Variants in CDH12 observed in about 807,000 individuals in gnomAD.
The protein encoded by CDH12 is cadherin-12.
Under a neutral mutation model 74.1 loss-of-function variants are expected in CDH12, and 41 were observed. That is an observed-to-expected ratio of 0.55 (90% CI 0.43 to 0.72). CDH12 has a LOEUF of 0.72. Ranked by LOEUF, CDH12 falls within the 30% of genes least tolerant of loss-of-function variation. The pLI, the probability that CDH12 is intolerant of heterozygous loss-of-function variation, is 0.00. For missense variants in CDH12, 945 were observed against 977.2 expected, an observed-to-expected ratio of 0.97 and a Z score of 0.44; for synonymous variants, 399 against 355.0, an observed-to-expected ratio of 1.12 and a Z score of -1.39.
chr5:22,310,065 G>C (rs1422801650), intron 3 of CDH12, among the ~76,000 whole-genome samples: 3 of 151,688 alleles, frequency 2.0e-5, no homozygotes, highest in Non-Finnish European at 4.4e-5. Flanking sequence ...CAGGTCGATG[G>C]GTGCAGCAAG....
intron 1 of CDH12, among the ~76,000 whole-genome samples, chr5:22,793,991 C>T (rs954448694): frequency 6.6e-6 from 1 of 152,168 alleles, no homozygotes; most frequent in African/African-American, 2.4e-5. Context: ...TATGTTGCAT[C>T]ATATAAATAC....
At chr5:21,928,357 G>C (rs1579975971) in intron 6 of CDH12, among the ~76,000 whole-genome samples, 2 of 152,324 alleles carry the variant, frequency 1.3e-5, no homozygotes, top group African/African-American at 4.8e-5. Flanking sequence ...CATGGAGTTA[G>C]TGGGAGAAAA....
chr5:22,828,811 G>A (rs775725997), intron 1 of CDH12, among the ~76,000 whole-genome samples: 16 of 152,162 alleles, frequency 1.1e-4, no homozygotes, highest in South Asian at 2.1e-4. Flanking sequence ...AGACTTGTTC[G>A]AAGCATTGAT....
At chr5:22,315,070 C>T (rs1352125818) in intron 3 of CDH12, among the ~76,000 whole-genome samples, 2 of 123,050 alleles carry the variant, frequency 1.6e-5, no homozygotes, top group African/African-American at 6.4e-5. Context: ...TCTCCTGCCT[C>T]CTGCCTCAGT....
chr5:22,420,793 T>C (rs1293940958), intron 2 of CDH12, among the ~76,000 whole-genome samples: 1 of 152,214 alleles, frequency 6.6e-6, no homozygotes, highest in African/African-American at 2.4e-5. Context: ...AGTATGGTCA[T>C]CTTTATGATA....
intron 1 of CDH12, among the ~76,000 whole-genome samples, chr5:22,786,591 G>T (rs905857944): frequency 6.6e-6 from 1 of 152,120 alleles, no homozygotes; most frequent in Non-Finnish European, 1.5e-5. Context: ...TGGCACATGT[G>T]TTATTGTATA....
chr5:22,434,363 C>A (rs1744291421), intron 2 of CDH12, among the ~76,000 whole-genome samples: 1 of 152,074 alleles, frequency 6.6e-6, no homozygotes, highest in South Asian at 2.1e-4. Context: ...ATTTTCACAT[C>A]TTCAAATATG....
chr5:22,274,224 G>T (rs960811732), intron 3 of CDH12, among the ~76,000 whole-genome samples: 3 of 151,840 alleles, frequency 2.0e-5, no homozygotes, highest in Non-Finnish European at 4.4e-5. Flanking sequence ...AAATATTTAG[G>T]GATAAGGATA....
At chr5:22,237,379 C>T (rs1203177916) in intron 3 of CDH12, among the ~76,000 whole-genome samples, 2 of 152,110 alleles carry the variant, frequency 1.3e-5, no homozygotes, top group Non-Finnish European at 1.5e-5. Flanking sequence ...TGTGTACCCC[C>T]AAATTCATAC....
chr5:21,801,415 C>T lies in CDH12; in HGVS notation c.1256+752G>A, dbSNP rs1012490307. Among the ~76,000 whole-genome samples the T allele has an allele frequency of 3.3e-5, 5 of 152,088 alleles. No homozygotes were observed. In the South Asian group the frequency reaches 6.2e-4, roughly 19 times the overall value. ...ATTGGTTTCTCAACAGCTGTAGGCA[C>T]GCGGCAGAAAATTCAAGCATACAAT... On this transcript the variant is annotated intron_variant, in intron 10 of 14. Transcript: ENST00000382254.
chr5:22,705,296 A>G (rs1742945056), intron 1 of CDH12, among the ~76,000 whole-genome samples: 1 of 152,026 alleles, frequency 6.6e-6, no homozygotes, highest in Admixed American at 6.6e-5. Context: ...GAGTCAATGA[A>G]TGGTTAATCA....
Position 22,206,012 on chromosome 5 carries a change from A to G in CDH12, c.-187+6486T>C, listed in dbSNP as rs547570063. 3.3e-5 allele frequency among the ~76,000 whole-genome samples: 5 copies of G among 152,004 alleles called. No homozygotes were observed. The South Asian group carries it at 6.2e-4, about 19-fold the overall frequency. On this transcript the variant is annotated intron_variant, in intron 4 of 14. Transcript: ENST00000382254. Reference sequence around the variant, plus strand: ...ATTATATATTAAATATAATATACATATTTCTCAATTTTGACCTGGTTCAGA... The same window carrying G: ...ATTATATATTAAATATAATATACATGTTTCTCAATTTTGACCTGGTTCAGA...
intron 4 of CDH12, among the ~76,000 whole-genome samples, chr5:22,157,862 C>A (rs1339917978): frequency 1.3e-5 from 2 of 151,930 alleles, no homozygotes; most frequent in Non-Finnish European, 2.9e-5. Context: ...TTTGCAAATT[C>A]ATCTAAATAA....
intron 1 of CDH12, among the ~76,000 whole-genome samples, chr5:22,723,730 A>T (rs1744016354): frequency 6.6e-6 from 1 of 152,110 alleles, no homozygotes; most frequent in South Asian, 2.1e-4. Context: ...ATTTATTCAG[A>T]TAATTACAAG....
At chr5:21,924,623 C>T (rs1754508243) in intron 6 of CDH12, among the ~76,000 whole-genome samples, 2 of 152,202 alleles carry the variant, frequency 1.3e-5, no homozygotes, top group Admixed American at 1.3e-4. Context: ...AAAACTTACA[C>T]TGGTGAAATG....
Position 22,474,326 on chromosome 5 carries a change from G to A in CDH12, c.-428+30944C>T, listed in dbSNP as rs575159655. Among the ~76,000 whole-genome samples the A allele has an allele frequency of 5.9e-5, 9 of 152,224 alleles. No homozygotes were observed. The South Asian group carries it at 1.5e-3, about 25-fold the overall frequency. Reference sequence around the variant, plus strand: ...AGATCACCTGGACACATGGACTGATGGAGGAAGACACATGATGTCAGGGGA... The same window carrying A: ...AGATCACCTGGACACATGGACTGATAGAGGAAGACACATGATGTCAGGGGA... On this transcript the variant is annotated intron_variant, in intron 2 of 14. Coordinates refer to ENST00000382254, the MANE Select transcript of CDH12 (RefSeq NM_004061.5).
chr5:22,011,121 A>G (rs1258978600), intron 5 of CDH12, among the ~76,000 whole-genome samples: 1 of 152,108 alleles, frequency 6.6e-6, no homozygotes, highest in African/African-American at 2.4e-5. Flanking sequence ...GCCACTCAGT[A>G]CAGATGGAGA....
chr5:22,138,846 A>T (rs1294349110), intron 4 of CDH12, among the ~76,000 whole-genome samples: 1 of 24,478 alleles, frequency 4.1e-5, no homozygotes, highest in Non-Finnish European at 7.5e-5. Context: ...TATATACGTA[A>T]TATATATATA....
In CDH12 at chr5:21,945,250, C is replaced by G. The variant is rs1263024726; in HGVS notation, c.526+29841G>C. On this transcript the variant is annotated intron_variant, in intron 6 of 14. Coordinates refer to ENST00000382254, the MANE Select transcript of CDH12 (RefSeq NM_004061.5). The stretch of plus-strand genomic sequence containing the variant: ...GACCATCCTGTCCAACATGGCGAAA[C>G]CCCGCCTCTACTAAAAATATAAAAA... Among the ~76,000 whole-genome samples, 3 of 151,592 alleles carry G rather than the reference C, an allele frequency of 2.0e-5. No homozygotes were observed. In the East Asian group the frequency reaches 5.8e-4, roughly 30 times the overall value.
Sources: allele counts gnomAD v4.1 joint callset (sites outside exome capture counted in the v4.1 genomes callset), GRCh38; gene constraint gnomAD v4.1.1; transcripts MANE v1.5; gene names NCBI Gene and HGNC (gene_info 2026-07-23, HGNC 2026-07-21).